MAMDC2: variants seen among roughly 807,000 people sequenced by gnomAD.
The protein encoded by MAMDC2 is MAM domain-containing protein 2.
A neutral mutation model predicts 89.8 loss-of-function variants in MAMDC2; 57 were observed. The observed-to-expected ratio is 0.63, with a 90% CI of 0.51 to 0.79. The LOEUF is 0.79. MAMDC2 is among the 30% of genes least tolerant of loss of function. MAMDC2 has a pLI of 0.00. For synonymous variants in MAMDC2, 313 were observed against 293.4 expected, an observed-to-expected ratio of 1.07 and a Z score of -0.68; for missense variants, 800 against 820.6, an observed-to-expected ratio of 0.97 and a Z score of 0.31.
At position 70,049,775 on chromosome 9, in the gene MAMDC2, C is replaced by T. The variant is rs529007759; in HGVS notation, c.148+5078C>T. ...ACTTGCAGTATCACATGCCATTTCC[C>T]GCTGCTGCCCTGGCTGTGACTGCTC... On this transcript the variant is annotated intron_variant, in intron 2 of 13. Coordinates refer to ENST00000377182, the MANE Select transcript of MAMDC2 (RefSeq NM_153267.5). Among the ~76,000 whole-genome samples the T allele has an allele frequency of 3.3e-5, 5 of 152,276 alleles. No individual in the cohort carries two copies. In the South Asian group the frequency reaches 8.3e-4, roughly 25 times the overall value.
At chr9:70,185,099 G>A (rs551548707) in intron 11 of MAMDC2, among the ~76,000 whole-genome samples, 12 of 152,242 alleles carry the variant, frequency 7.9e-5, no homozygotes, top group African/African-American at 2.2e-4. Context: ...TGATATTATT[G>A]TTTTCTGTCT....
At chr9:70,121,612 T>C (rs974899069) in intron 5 of MAMDC2, among the ~76,000 whole-genome samples, 11 of 152,072 alleles carry the variant, frequency 7.2e-5, no homozygotes, top group African/African-American at 2.4e-4. Context: ...AGAATCTCTG[T>C]GGCCTGCAGG....
chr9:70,181,011 A>G (rs1379941348), intron 11 of MAMDC2, among the ~76,000 whole-genome samples: 1 of 152,146 alleles, frequency 6.6e-6, no homozygotes, highest in Non-Finnish European at 1.5e-5. Context: ...CTTTAATCCA[A>G]CTTGAGTTAA....
At chr9:70,139,392 T>C (rs1023438203) in intron 7 of MAMDC2, among the ~76,000 whole-genome samples, 1 of 149,850 alleles carries the variant, frequency 6.7e-6, no homozygotes, top group Non-Finnish European at 1.5e-5. Flanking sequence ...GTCCTTGCGA[T>C]AGTTTACTGA....
rs151314977 is a variant in MAMDC2, at chr9:70,120,074, C to A, written c.644-6085C>A. Among the ~76,000 whole-genome samples, 804 of 152,310 alleles carry A rather than the reference C, an allele frequency of 5.3e-3. 5 individuals are homozygous for A. The highest frequency in any genetic ancestry group is 0.018 in the African/African-American group (750 of 41,554). ...GGAATTACCGCACTGGTAGGCAGTT[C>A]TCTTGAGAAGAGTCCTTTTAAGGTA... On this transcript the variant is annotated intron_variant, in intron 5 of 13. Transcript: ENST00000377182.
intron 5 of MAMDC2, among the ~76,000 whole-genome samples, chr9:70,122,030 C>G (rs2030308267): frequency 6.6e-6 from 1 of 152,192 alleles, no homozygotes; most frequent in East Asian, 1.9e-4. Context: ...TGAATCACCC[C>G]TAACAGTTCA....
At chr9:70,202,799 C>T (rs2033131514) in intron 11 of MAMDC2, among the ~76,000 whole-genome samples, 1 of 151,316 alleles carries the variant, frequency 6.6e-6, no homozygotes, top group South Asian at 2.1e-4. Flanking sequence ...GATCCCTTTA[C>T]CATTATGTAA....
At chr9:70,140,845 GCTATTAA>G (rs1199021947) in intron 8 of MAMDC2, among the ~76,000 whole-genome samples, 1 of 152,186 alleles carries the variant, frequency 6.6e-6, no homozygotes, top group African/African-American at 2.4e-5. Context: ...GAGGGGAAAA[GCTATTAA>G]AAAATGTTGA....
chr9:70,139,368 G>A (rs1282350510), intron 7 of MAMDC2, among the ~76,000 whole-genome samples: 33 of 144,124 alleles, frequency 2.3e-4, no homozygotes, highest in Admixed American at 1.2e-3. Context: ...GAGAACATGC[G>A]GTGTTTGGTT....
chr9:70,044,773 A>T lies in MAMDC2; in HGVS notation c.148+76A>T. On this transcript the variant is annotated intron_variant, in intron 2 of 13. Transcript: ENST00000377182. ...GCTTGCTTTTTTTTCCCACATGGGT[A>T]ATGTTATCTTGGAGTTAATTCTCCG... 5 of 1,042,674 alleles carry T rather than the reference A, an allele frequency of 4.8e-6. No homozygotes were observed. The Admixed American group carries it at 8.0e-5, about 17-fold the overall frequency. 64.6% of individuals were successfully genotyped at this position (1,042,674 alleles called of 1,614,324 possible).
At position 70,173,775 on chromosome 9, in the gene MAMDC2, G is replaced by T. The variant is rs142810297; in HGVS notation, c.1651+3144G>T. 2.5e-3 allele frequency among the ~76,000 whole-genome samples: 384 copies of T among 152,200 alleles called. 7 individuals carry two copies. The highest frequency in any genetic ancestry group is 0.021 in the Admixed American group (315 of 15,284). ...ACTGAAGGGAAGGAGTCCCTGAAAA[G>T]GGCAAGGAGAGACACCAGGCCAGGT... On this transcript the variant is annotated intron_variant, in intron 11 of 13. Coordinates refer to ENST00000377182, the MANE Select transcript of MAMDC2 (RefSeq NM_153267.5).
At chr9:70,058,398 A>G (rs1301261382) in intron 2 of MAMDC2, among the ~76,000 whole-genome samples, 1 of 152,188 alleles carries the variant, frequency 6.6e-6, no homozygotes, top group African/African-American at 2.4e-5. Flanking sequence ...CTCTCTTGAC[A>G]TGGGGTCTCA....
chr9:70,044,501 C>A, intron 1 of MAMDC2, 83 bp from the exon 2 acceptor site: 1 of 1,111,596 alleles, frequency 9.0e-7, no homozygotes, highest in Non-Finnish European at 1.3e-6. Context: ...CCCACTTTCA[C>A]CAGGTAGTCC....
chr9:70,221,737 A>C (rs183357477), intron 12 of MAMDC2, among the ~76,000 whole-genome samples: 4 of 151,836 alleles, frequency 2.6e-5, no homozygotes, highest in Admixed American at 2.6e-4. Flanking sequence ...GTGTGTGTGT[A>C]TATCACATTG....
intron 11 of MAMDC2, among the ~76,000 whole-genome samples, chr9:70,204,600 G>T (rs887877703): frequency 6.6e-6 from 1 of 151,330 alleles, no homozygotes; most frequent in Admixed American, 6.6e-5. Context: ...CGAGCTTCCC[G>T]GCTGCTTTGT....
At chr9:70,222,575 T>A (rs2033585006) in intron 12 of MAMDC2, among the ~76,000 whole-genome samples, 2 of 152,300 alleles carry the variant, frequency 1.3e-5, no homozygotes, top group South Asian at 2.1e-4. Context: ...AAATGTTTAA[T>A]CATGCTCCTT....
At chr9:70,120,831 C>T (rs2030251757) in intron 5 of MAMDC2, among the ~76,000 whole-genome samples, 1 of 152,136 alleles carries the variant, frequency 6.6e-6, no homozygotes, top group African/African-American at 2.4e-5. Context: ...CCACCAAAAC[C>T]CTTACAACTA....
At position 70,215,294 on chromosome 9, in the gene MAMDC2, C is replaced by T. The variant is rs1306482215; in HGVS notation, c.1652-3043C>T. Among the ~76,000 whole-genome samples, 3 of 152,120 alleles carry T rather than the reference C, an allele frequency of 2.0e-5. No individual in the cohort carries two copies. In the East Asian group the frequency reaches 5.8e-4, roughly 29 times the overall value. ...AAAATGACAAAGACTGAAAACTGAC[C>T]ACTCGAGTTCGTAATGAGGATGTCA... On this transcript the variant is annotated intron_variant, in intron 11 of 13. Coordinates refer to ENST00000377182, the MANE Select transcript of MAMDC2 (RefSeq NM_153267.5).
intron 2 of MAMDC2, among the ~76,000 whole-genome samples, chr9:70,104,349 T>C (rs893363092): frequency 6.6e-6 from 1 of 152,164 alleles, no homozygotes; most frequent in Non-Finnish European, 1.5e-5. Context: ...CTGGTGGAAA[T>C]GTAAATGATG....
Sources: allele counts gnomAD v4.1 joint callset (sites outside exome capture counted in the v4.1 genomes callset), GRCh38; gene constraint gnomAD v4.1.1; transcripts MANE v1.5; gene names NCBI Gene and HGNC (gene_info 2026-07-23, HGNC 2026-07-21).